The following SERGEF variants were observed in gnomAD, a reference collection of about 807,000 sequenced individuals.
The protein encoded by SERGEF is secretion-regulating guanine nucleotide exchange factor.
A neutral mutation model predicts 50.0 loss-of-function variants in SERGEF; 51 were observed. That is an observed-to-expected ratio of 1.02 (90% CI 0.81 to 1.29). The LOEUF (loss-of-function observed/expected upper bound fraction) is 1.29, where lower values mean the gene tolerates loss of function less well. Ranked by LOEUF, SERGEF falls within the 50% of genes most tolerant of loss-of-function variation. SERGEF has a pLI of 0.00. For missense variants in SERGEF, 521 were observed against 557.0 expected (o/e 0.94, Z 0.65); for synonymous variants, 205 against 212.4 (o/e 0.97, Z 0.30).
intron 10 of SERGEF, among the ~76,000 whole-genome samples, chr11:17,877,629 C>T (rs1851262142): frequency 6.6e-6 from 1 of 152,148 alleles, no homozygotes; most frequent in South Asian, 2.1e-4. Context: ...ACTGAGTCTA[C>T]CTGTGGAAGT....
chr11:17,935,502 A>C (rs530969223), intron 9 of SERGEF, among the ~76,000 whole-genome samples: 1 of 152,252 alleles, frequency 6.6e-6, no homozygotes, highest in South Asian at 2.1e-4. Flanking sequence ...AAAACTAAGA[A>C]TGTATAGAAT....
intron 10 of SERGEF, among the ~76,000 whole-genome samples, chr11:17,822,244 G>A (rs977111604): frequency 2.6e-5 from 4 of 152,120 alleles, no homozygotes; most frequent in Non-Finnish European, 5.9e-5. Context: ...CAGAATTACT[G>A]GATGTGGATA....
In SERGEF at chr11:18,007,206, G is replaced by A. The variant is rs142484382; in HGVS notation, c.197-460C>T. 5.3e-4 allele frequency among the ~76,000 whole-genome samples: 81 copies of A among 152,306 alleles called. 1 individual carries two copies. In the East Asian group the frequency reaches 0.014, roughly 26 times the overall value. On this transcript the variant is annotated intron_variant, in intron 2 of 10. Transcript: ENST00000265965. The stretch of plus-strand genomic sequence containing the variant: ...ATGCATATATAACACTAAATCTGGA[G>A]TGGATTCTATTAATATCCATCTTTA...
intron 10 of SERGEF, among the ~76,000 whole-genome samples, chr11:17,876,289 C>T (rs1811469632): frequency 6.6e-6 from 1 of 152,206 alleles, no homozygotes. Flanking sequence ...GGTCTGTCCT[C>T]AAGTGCTCGC....
intron 9 of SERGEF, among the ~76,000 whole-genome samples, chr11:17,882,424 A>G (rs566438672): frequency 9.4e-4 from 143 of 151,336 alleles, no homozygotes; most frequent in African/African-American, 3.2e-3. Flanking sequence ...GTCTCAAAAA[A>G]AAAAAAAAAA....
intron 6 of SERGEF, among the ~76,000 whole-genome samples, chr11:17,994,271 G>A (rs934412871): frequency 1.3e-5 from 2 of 151,912 alleles, no homozygotes; most frequent in Non-Finnish European, 2.9e-5. Context: ...TCAGGAGATC[G>A]AGACCATCCT....
intron 10 of SERGEF, among the ~76,000 whole-genome samples, chr11:17,853,323 G>T (rs1590156967): frequency 6.6e-6 from 1 of 152,186 alleles, no homozygotes; most frequent in East Asian, 1.9e-4. Context: ...CATGAGAAAT[G>T]TTAAGTGAAT....
rs946002628 is a variant in SERGEF at position 17,984,296 on chromosome 11, T to C, written c.844+4301A>G. ...GAAGCATAGTTCGAGCATTAGCTTC[T>C]GGGGAGGCCTCTGGAAGCGTACAAT... On this transcript the variant is annotated intron_variant, in intron 8 of 10. Coordinates refer to ENST00000265965, the MANE Select transcript of SERGEF (RefSeq NM_012139.4). Among the ~76,000 whole-genome samples the C allele has an allele frequency of 4.6e-5, 7 of 152,180 alleles. No individual in the cohort carries two copies. The East Asian group carries it at 1.2e-3, about 25-fold the overall frequency.
chr11:17,886,016 A>G (rs1851422100), intron 9 of SERGEF, among the ~76,000 whole-genome samples: 1 of 152,118 alleles, frequency 6.6e-6, no homozygotes, highest in Non-Finnish European at 1.5e-5. Flanking sequence ...GGTAATGGAG[A>G]GAGTTCTGGA....
chr11:17,796,760 G>T (rs1348013543), intron 10 of SERGEF, among the ~76,000 whole-genome samples: 2 of 152,202 alleles, frequency 1.3e-5, no homozygotes, highest in Non-Finnish European at 2.9e-5. Context: ...TACCCTCGAG[G>T]CAGGAGCTGA....
At chr11:17,801,157 T>C (rs1849662204) in intron 10 of SERGEF, among the ~76,000 whole-genome samples, 1 of 143,202 alleles carries the variant, frequency 7.0e-6, no homozygotes, top group South Asian at 2.2e-4. Context: ...ATAGCGCCAC[T>C]GCACTCCGGC....
chr11:17,930,540 C>A (rs763613405), intron 9 of SERGEF, among the ~76,000 whole-genome samples: 1 of 152,192 alleles, frequency 6.6e-6, no homozygotes, highest in Non-Finnish European at 1.5e-5. Flanking sequence ...AGACTGAGCC[C>A]ATTCCTTTTG....
chr11:17,807,706 A>G (rs1331660892), intron 10 of SERGEF, among the ~76,000 whole-genome samples: 1 of 152,188 alleles, frequency 6.6e-6, no homozygotes, highest in African/African-American at 2.4e-5. Context: ...ATTTACAGGC[A>G]ATGAGTGTCA....
chr11:17,987,372 C>G (rs1362014166), intron 8 of SERGEF, among the ~76,000 whole-genome samples: 1 of 152,222 alleles, frequency 6.6e-6, no homozygotes, highest in Non-Finnish European at 1.5e-5. Context: ...AGCTCATTAT[C>G]TGAAACAAAA....
intron 9 of SERGEF, among the ~76,000 whole-genome samples, chr11:17,943,103 T>TTTGGAAGTGTCCCC (rs1852591178): frequency 1.6e-5 from 2 of 124,078 alleles, no homozygotes; most frequent in Admixed American, 1.7e-4. Flanking sequence ...ACTTCATAAA[T>TTTGGAAGTGTCCCC]TTGGAAGTGT....
At chr11:17,990,724 C>G (rs1244690436) in intron 7 of SERGEF, among the ~76,000 whole-genome samples, 2 of 152,052 alleles carry the variant, frequency 1.3e-5, no homozygotes, top group Non-Finnish European at 2.9e-5. Context: ...TGAACAAAAT[C>G]CAATGTGTAA....
At chr11:17,902,358 T>C (rs900257208) in intron 9 of SERGEF, among the ~76,000 whole-genome samples, 1 of 151,968 alleles carries the variant, frequency 6.6e-6, no homozygotes, top group Non-Finnish European at 1.5e-5. Context: ...GCTGCTACAG[T>C]GGTCCAGGAA....
intron 9 of SERGEF, among the ~76,000 whole-genome samples, chr11:17,909,544 G>C (rs1326251519): frequency 2.0e-5 from 3 of 152,208 alleles, no homozygotes; most frequent in Admixed American, 2.0e-4. Context: ...GCCCAGCTGG[G>C]ATGGCACAGA....
intron 10 of SERGEF, among the ~76,000 whole-genome samples, chr11:17,837,611 C>T (rs1394313745): frequency 1.3e-5 from 2 of 150,674 alleles, no homozygotes; most frequent in African/African-American, 4.9e-5. Context: ...AAGCCGGCGC[C>T]ATGCTTCTTA....
Sources: gnomAD v4.1 joint callset for allele counts (sites outside exome capture counted in the v4.1 genomes callset) on GRCh38, gnomAD v4.1.1 for gene constraint, MANE v1.5 for transcripts, NCBI Gene and HGNC (gene_info 2026-07-23, HGNC 2026-07-21) for gene names.